RP1: variants seen among roughly 807,000 people sequenced by gnomAD.
RP1 encodes RP1 axonemal microtubule associated.
Under a neutral mutation model 14.8 loss-of-function variants are expected in RP1, and 16 were observed. That is an observed-to-expected ratio of 1.08 (90% CI 0.73 to 1.65). The LOEUF (loss-of-function observed/expected upper bound fraction) is 1.65. Ranked by LOEUF, RP1 falls within the 40% of genes most tolerant of loss-of-function variation. The pLI, the probability that RP1 is intolerant of heterozygous loss-of-function variation, is 0.00. For missense variants in RP1, 2,631 were observed against 2,535.0 expected, an observed-to-expected ratio of 1.04 and a Z score of -0.81; for synonymous variants, 876 against 883.6, an observed-to-expected ratio of 0.99 and a Z score of 0.15.
At chr8:54,651,865 A>G (rs1806661329) in intron 4 of RP1, among the ~76,000 whole-genome samples, 1 of 152,104 alleles carries the variant, frequency 6.6e-6, no homozygotes, top group Admixed American at 6.6e-5. Context: ...GTAGGTGTAT[A>G]TAGCTATAAA....
chr8:54,788,065 T>C (rs991755870), intron 24 of RP1, among the ~76,000 whole-genome samples: 5 of 152,192 alleles, frequency 3.3e-5, no homozygotes, highest in Non-Finnish European at 7.3e-5. Flanking sequence ...ACTCTTATGA[T>C]CCTGCCCACA....
At chr8:54,706,579 C>G (rs1421848766) in exon 15 of RP1, 2 of 1,535,954 alleles carry the variant, frequency 1.3e-6, no homozygotes, top group Non-Finnish European at 1.7e-6. Context: ...AAAATCAGCT[C>G]TGGGATTTGC....
In RP1 at chr8:54,627,152, A is replaced by G. The variant is rs1806082582; in HGVS notation, c.3270A>G (p.Gln1090=). 2.5e-6 allele frequency: 4 copies of G among 1,613,918 alleles called. No homozygotes were observed. The highest frequency in any genetic ancestry group is 1.3e-5 in the African/African-American group (1 of 74,928). The change falls in exon 4 of 4, where the codon CAA becomes CAG. Residue 1090 remains glutamine (Q), a synonymous_variant. Transcript: ENST00000220676. ...TCTTACCAGTCCTGATGCTTCACCA[A>G]TTGCAAGCTTCAGTTCCTGGTATTC... is the stretch of plus-strand genomic sequence containing the variant. ...KDLLPVLMLH[Q]LQASVPGIHK...
At chr8:54,679,374 G>A (rs1563345412) in intron 9 of RP1, 1 of 1,476,998 alleles carries the variant, frequency 6.8e-7, no homozygotes, top group Admixed American at 2.0e-5. Context: ...AATGGTTAAT[G>A]TAAATATAAA....
intron 6 of RP1, among the ~76,000 whole-genome samples, chr8:54,658,972 A>G (rs2129328231): frequency 6.6e-6 from 1 of 151,434 alleles, no homozygotes; most frequent in South Asian, 2.1e-4. Context: ...TGTAATAATT[A>G]GTGATGTTGA....
chr8:54,602,965 A>C (rs1805328520), intron 1 of RP1, among the ~76,000 whole-genome samples: 1 of 152,092 alleles, frequency 6.6e-6, no homozygotes, highest in Non-Finnish European at 1.5e-5. Flanking sequence ...AGATGGCAAA[A>C]ATTTTCTCCC....
intron 1 of RP1, among the ~76,000 whole-genome samples, chr8:54,575,572 C>T (rs1464615441): frequency 6.6e-6 from 1 of 152,128 alleles, no homozygotes; most frequent in Non-Finnish European, 1.5e-5. Flanking sequence ...ATAAAATGTA[C>T]AATTAAGTTA....
rs34551647 is a variant in RP1, at chr8:54,851,050, C to CGT, written c.3836-1508_3836-1507dup. ...ATTATTTAGATGGCAAGTACACGTA[C>CGT]GTGTGTGTGTGTGTGTGCGTGCATG... On this transcript the variant is annotated intron_variant, in intron 25 of 28. Coordinates refer to the RP1 transcript ENST00000637698. 2.2e-3 allele frequency among the ~76,000 whole-genome samples: 332 copies of CGT among 150,080 alleles called. 1 individual carries two copies. Among genetic ancestry groups the CGT allele is most frequent in the East Asian group, 3.7e-3 (19 of 5,130 alleles).
intron 1 of RP1, among the ~76,000 whole-genome samples, chr8:54,575,795 A>G (rs772967722): frequency 6.6e-6 from 1 of 151,792 alleles, no homozygotes; most frequent in Non-Finnish European, 1.5e-5. Flanking sequence ...CTCGCACTCT[A>G]TCCTCAAGTG....
chr8:54,754,264 T>A (rs1362709362), intron 19 of RP1, among the ~76,000 whole-genome samples: 9 of 152,136 alleles, frequency 5.9e-5, no homozygotes, highest in Admixed American at 5.9e-4. Flanking sequence ...ATTCACTTTT[T>A]TTTTCAAGTT....
chr8:54,656,335 C>G (rs1215339635), intron 6 of RP1: 3 of 996,710 alleles, frequency 3.0e-6, no homozygotes, highest in Admixed American at 3.2e-5. Flanking sequence ...AGTTTCTTAT[C>G]ACTTACCTCT....
chr8:54,769,710 T>A, intron 22 of RP1: 1 of 1,370,894 alleles, frequency 7.3e-7, no homozygotes, highest in African/African-American at 1.5e-5. Context: ...TTCTCCTCTC[T>A]CTTTCTTTCT....
rs537366286 is a variant in RP1, at chr8:54,806,154, G to C, written c.3615+22444G>C. Among the ~76,000 whole-genome samples the C allele has an allele frequency of 2.6e-5, 4 of 152,284 alleles. No homozygotes were observed. The East Asian group carries it at 7.7e-4, about 29-fold the overall frequency. On this transcript the variant is annotated intron_variant, in intron 24 of 28. Transcript: ENST00000637698. The stretch of plus-strand genomic sequence containing the variant: ...CTGCCTCAGCCTCCTGAGTAGCTGA[G>C]ATTACAAGCGCCTGCCACCATGCCC...
chr8:54,657,800 T>A (rs1341762024), intron 6 of RP1, among the ~76,000 whole-genome samples: 4 of 152,228 alleles, frequency 2.6e-5, no homozygotes, highest in African/African-American at 4.8e-5. Context: ...TGAAAAAAAA[T>A]TTGTTGTAAT....
At chr8:54,791,232 A>T (rs987998402) in intron 24 of RP1, among the ~76,000 whole-genome samples, 7 of 152,128 alleles carry the variant, frequency 4.6e-5, no homozygotes, top group African/African-American at 1.7e-4. Flanking sequence ...GCCAACCAAG[A>T]ATACTGTACC....
intron 1 of RP1, among the ~76,000 whole-genome samples, chr8:54,562,316 T>C (rs890737739): frequency 2.0e-5 from 3 of 152,228 alleles, no homozygotes; most frequent in African/African-American, 7.2e-5. Flanking sequence ...TGAAGCTATT[T>C]AACATTTCAG....
chr8:54,587,374 C>T (rs1197705793), intron 1 of RP1, among the ~76,000 whole-genome samples: 3 of 148,648 alleles, frequency 2.0e-5, no homozygotes, highest in Non-Finnish European at 3.0e-5. Context: ...TGTAGTGAGC[C>T]GAGATTGTGT....
chr8:54,787,364 A>G (rs1810346865), intron 24 of RP1, among the ~76,000 whole-genome samples: 1 of 152,144 alleles, frequency 6.6e-6, no homozygotes, highest in Non-Finnish European at 1.5e-5. Flanking sequence ...TGCCTGACAT[A>G]GACTAGACAC....
Position 54,696,435 on chromosome 8 carries a change from C to CA in RP1, c.1718-3031dup, listed in dbSNP as rs562559315. On this transcript the variant is annotated intron_variant, in intron 12 of 22. Transcript: ENST00000636932. ...GAGCAAAGAAAAAATCCCTTTGTTC[C>CA]AGAAAGTCTCCTGAAAAAGAGGAAA... The CA allele has an allele frequency of 4.2e-3, 3,138 of 753,862 alleles. 51 individuals are homozygous for CA. The highest frequency in any genetic ancestry group is 1.9e-3 in the Non-Finnish European group (817 of 438,004). The allele number at this position is 753,862 out of a possible 1,614,324, so 46.7% of individuals were successfully genotyped here.
Sources: allele counts gnomAD v4.1 joint callset (sites outside exome capture counted in the v4.1 genomes callset), GRCh38; gene constraint gnomAD v4.1.1; transcripts MANE v1.5; gene names NCBI Gene and HGNC (gene_info 2026-07-23, HGNC 2026-07-21).